The following NDUFAB1 variants were observed in gnomAD, a reference collection of about 807,000 sequenced individuals.
The protein encoded by NDUFAB1 is acyl carrier protein, mitochondrial.
Under a neutral mutation model 16.1 loss-of-function variants are expected in NDUFAB1, and 5 were observed. That is an observed-to-expected ratio of 0.31 (90% CI 0.16 to 0.65). The LOEUF (loss-of-function observed/expected upper bound fraction) is 0.65, where lower values mean the gene tolerates loss of function less well. NDUFAB1 is among the 30% of genes least tolerant of loss of function. NDUFAB1 has a pLI of 0.77. For missense variants in NDUFAB1, 187 were observed against 205.3 expected (o/e 0.91, Z 0.54); for synonymous variants, 85 against 78.4 (o/e 1.08, Z -0.44).
intron 1 of NDUFAB1, among the ~76,000 whole-genome samples, chr16:23,593,895 T>TATTC (rs1268961536): frequency 2.7e-4 from 38 of 139,820 alleles, no homozygotes; most frequent in African/African-American, 6.2e-4. Flanking sequence ...TTTATTTATT[T>TATTC]ATTGAGATGG....
At chr16:23,584,883 G>T (rs1205222632) in intron 3 of NDUFAB1, among the ~76,000 whole-genome samples, 2 of 152,206 alleles carry the variant, frequency 1.3e-5, no homozygotes, top group African/African-American at 4.8e-5. Context: ...TCCCAAACTT[G>T]GAGTGTGCTT....
rs577902717 is a variant in NDUFAB1 at position 23,582,651 on chromosome 16, T to G, written c.380-276A>C. Among the ~76,000 whole-genome samples the G allele has an allele frequency of 2.9e-5, 4 of 137,734 alleles. No individual in the cohort carries two copies. In the East Asian group the frequency reaches 8.5e-4, roughly 29 times the overall value. 90.4% of individuals were successfully genotyped at this position (137,734 alleles called of 152,430 possible). A position where few individuals can be genotyped will look rare whatever the true frequency, so the allele number is the denominator to read the frequency against. Reference sequence around the variant, plus strand: ...TTGTATATACCATATAATTTGGTAGTTTTTAGTATATTCACATTGTGCAAC... The same window carrying G: ...TTGTATATACCATATAATTTGGTAGGTTTTAGTATATTCACATTGTGCAAC... On this transcript the variant is annotated intron_variant, in intron 3 of 4. Coordinates refer to ENST00000007516, the MANE Select transcript of NDUFAB1 (RefSeq NM_005003.3).
chr16:23,586,311 A>G (rs1966232644), intron 2 of NDUFAB1, among the ~76,000 whole-genome samples: 1 of 152,108 alleles, frequency 6.6e-6, no homozygotes, highest in East Asian at 1.9e-4. Flanking sequence ...CAAAAAAAAA[A>G]CTGCCTTACC....
chr16:23,582,525 A>G, intron 3 of NDUFAB1, 150 bp from the exon 4 acceptor site: 1 of 1,050,240 alleles, frequency 9.5e-7, no homozygotes, highest in Non-Finnish European at 1.3e-6. Flanking sequence ...GTTAGCTTCT[A>G]GACAGTATGC....
rs772908641 is a variant in NDUFAB1, at chr16:23,587,247, C to T, written c.241G>A (p.Asp81Asn). 36 of 1,614,084 alleles carry T rather than the reference C, an allele frequency of 2.2e-5. No homozygotes were observed. The highest frequency in any genetic ancestry group is 2.7e-5 in the Non-Finnish European group (32 of 1,179,988). The change falls in exon 2 of 5, where the codon GAC becomes AAC. Residue 81 changes from aspartate (D) to asparagine (N), a missense_variant. By Grantham distance (23) the Asp-to-Asn change is conservative. This residue lies in a region of NDUFAB1 where 135 missense variants were observed against 129.4 expected (regional missense o/e 1.04). Transcript: ENST00000007516. ...MPPLTLEGIQDRVLYVLKLYD... is the reference protein window; with the variant it reads ...MPPLTLEGIQNRVLYVLKLYD... ...AGTTTCAATACGTAAAGAACACGGT[C>T]CTGGATGCCCTCTAACGTCAAAGGA...
chr16:23,583,328 T>G (rs1208226393), intron 3 of NDUFAB1, among the ~76,000 whole-genome samples: 3 of 148,666 alleles, frequency 2.0e-5, no homozygotes, highest in African/African-American at 7.5e-5. Flanking sequence ...GTCTAGGAAG[T>G]GAGGAGCGTC....
In NDUFAB1 at chr16:23,582,258, T is replaced by C; in HGVS notation, c.*8+18A>G. 1 of 1,457,094 alleles carries C rather than the reference T, an allele frequency of 6.9e-7. No homozygotes were observed. Among genetic ancestry groups the C allele is most frequent in the Non-Finnish European group, 9.1e-7 (1 of 1,101,794 alleles). 90.3% of individuals were successfully genotyped at this position (1,457,094 alleles called of 1,614,324 possible). On this transcript the variant is annotated intron_variant, in intron 4 of 4. Coordinates refer to ENST00000007516, the MANE Select transcript of NDUFAB1 (RefSeq NM_005003.3). ...CAGACAAATCTATGGGTGAACATCATTTTTTAAGTCTATTTACCTGATACT... is the reference window on the plus strand; with the variant it reads ...CAGACAAATCTATGGGTGAACATCACTTTTTAAGTCTATTTACCTGATACT...
chr16:23,583,407 G>A (rs1597052227), intron 3 of NDUFAB1, among the ~76,000 whole-genome samples: 1 of 151,356 alleles, frequency 6.6e-6, no homozygotes, highest in Non-Finnish European at 1.5e-5. Context: ...TGGGAAGTGA[G>A]GAGCGCCTCT....
chr16:23,584,158 A>G (rs1966210105), intron 3 of NDUFAB1, among the ~76,000 whole-genome samples: 1 of 147,536 alleles, frequency 6.8e-6, no homozygotes, highest in Non-Finnish European at 1.5e-5. Flanking sequence ...AAAACCAGAG[A>G]CCTTTGTTCA....
chr16:23,584,254 T>TAAAAAAAAAAAAAA (rs774895056), intron 3 of NDUFAB1, among the ~76,000 whole-genome samples: 16 of 12,112 alleles, frequency 1.3e-3, no homozygotes, highest in East Asian at 6.7e-3. Flanking sequence ...GAATGATCAA[T>TAAAAAAAAAAAAAA]TAAAAAAAAA....
chr16:23,587,438 G>T, intron 1 of NDUFAB1, 119 bp from the exon 2 acceptor site: 2 of 1,269,482 alleles, frequency 1.6e-6, no homozygotes, highest in Non-Finnish European at 2.1e-6. Flanking sequence ...CACAGCATCT[G>T]ATTCTCATTG....
chr16:23,582,066 T>G, intron 4 of NDUFAB1: 1 of 424,544 alleles, frequency 2.4e-6, no homozygotes. Flanking sequence ...ATCAAGGGAG[T>G]TCTATCCAGG....
rs551587402 is a variant in NDUFAB1, at chr16:23,596,267, G to A, written c.24C>T (p.Ala8=). ...AGGCCGCGGGCAGGCGGCTGACATA[G>A]GCTGAAAGGACACGAGACGCCATGG... MASRVLS[A]YVSRLPAAFA... is the part of the protein sequence containing the mutation. Residue 8 remains alanine, a synonymous_variant, in exon 1 of 5, where the codon GCC becomes GCT. Coordinates refer to ENST00000007516, the MANE Select transcript of NDUFAB1 (RefSeq NM_005003.3). 9 of 1,584,420 alleles carry A rather than the reference G, an allele frequency of 5.7e-6. No homozygotes were observed. In the Admixed American group the frequency reaches 1.1e-4, roughly 19 times the overall value.
rs1966325143 is a variant in NDUFAB1, at chr16:23,596,214, A to G, written c.77T>C (p.Leu26Pro). Reference sequence around the variant, plus strand: ...GGTGCTGAGAGGCCGGGCCACGGCCAGCATCCGGACCCGGGGCAGCGGCGC... The same window carrying G: ...GGTGCTGAGAGGCCGGGCCACGGCCGGCATCCGGACCCGGGGCAGCGGCGC... ...AFAPLPRVRMLAVARPLSTAL... is the reference protein window; with the variant it reads ...AFAPLPRVRMPAVARPLSTAL... The change falls in exon 1 of 5, where the codon CTG becomes CCG. Residue 26 changes from leucine (L) to proline (P), a missense_variant. By Grantham distance (98) the Leu-to-Pro change is moderately conservative. This residue lies in a region of NDUFAB1 where 135 missense variants were observed against 129.4 expected (regional missense o/e 1.04). Coordinates refer to ENST00000007516, the MANE Select transcript of NDUFAB1 (RefSeq NM_005003.3). 3 of 1,609,686 alleles carry G rather than the reference A, an allele frequency of 1.9e-6. No individual in the cohort carries two copies. Among genetic ancestry groups the G allele is most frequent in the Non-Finnish European group, 8.5e-7 (1 of 1,178,620 alleles).
intron 1 of NDUFAB1, among the ~76,000 whole-genome samples, 175 bp downstream of exon 1, chr16:23,595,948 C>A (rs1284969413): frequency 6.6e-6 from 1 of 152,226 alleles, no homozygotes; most frequent in Non-Finnish European, 1.5e-5. Flanking sequence ...CGAGGTCACC[C>A]GGCCTCCCGT....
intron 1 of NDUFAB1, among the ~76,000 whole-genome samples, chr16:23,593,856 ATTTATTTATTT>A (rs1253327797): frequency 2.5e-5 from 3 of 118,884 alleles, no homozygotes; most frequent in African/African-American, 9.8e-5. Context: ...ACCCTTATTT[ATTTATTTATTT>A]ATTTATTTAT....
intron 1 of NDUFAB1, among the ~76,000 whole-genome samples, chr16:23,593,179 G>C (rs913527844): frequency 6.6e-6 from 1 of 152,060 alleles, no homozygotes; most frequent in African/African-American, 2.4e-5. Context: ...CATGCCTGTA[G>C]TCCCAGCTAC....
chr16:23,588,596 T>C (rs1966252977), intron 1 of NDUFAB1, among the ~76,000 whole-genome samples: 1 of 152,158 alleles, frequency 6.6e-6, no homozygotes, highest in Admixed American at 6.6e-5. Context: ...TCCCTGAAAC[T>C]CACAAAGGTC....
At chr16:23,590,638 C>CTTTTTTTTTTTTTTTTT (rs398042088) in intron 1 of NDUFAB1, among the ~76,000 whole-genome samples, 2 of 131,852 alleles carry the variant, frequency 1.5e-5, no homozygotes. Flanking sequence ...CCTCTGGTCT[C>CTTTTTTTTTTTTTTTTT]TTTTTTTTTT....
Sources: allele counts gnomAD v4.1 joint callset (sites outside exome capture counted in the v4.1 genomes callset), GRCh38; gene constraint gnomAD v4.1.1; regional missense constraint gnomAD v4.1.1; transcripts MANE v1.5; gene names NCBI Gene and HGNC (gene_info 2026-07-23, HGNC 2026-07-21).